Variants in CASK observed in about 807,000 individuals in gnomAD.
CASK encodes the protein calcium/calmodulin dependent serine protein kinase.
A neutral mutation model predicts 82.9 loss-of-function variants in CASK; 4 were observed. The ratio of observed to expected loss-of-function variants is 0.05; its 90% CI spans 0.02 to 0.11. The LOEUF is 0.11. CASK is among the 10% of genes least tolerant of loss of function. The probability of loss-of-function intolerance (pLI) is 1.00; values close to 1 mark genes in which losing one functional copy is unlikely to be tolerated. For synonymous variants in CASK, 259 were observed against 253.5 expected (o/e 1.02, Z -0.20); for missense variants, 358 against 720.9 (o/e 0.50, Z 5.76).
rs1379429897 is a variant in CASK at position 41,749,368 on chromosome X, C to A, written c.279-3767G>T. On this transcript the variant is annotated intron_variant, in intron 3 of 26. Coordinates refer to ENST00000378163, the MANE Select transcript of CASK (RefSeq NM_001367721.1). ...TTTGGCAAAAAAAAATCTCATTATT[C>A]TTCACCAATTTTTTTTTTTTTTTTT... 2.1e-3 allele frequency among the ~76,000 whole-genome samples: 194 copies of A among 93,214 alleles called. 2 individuals carry two copies. Among genetic ancestry groups the A allele is most frequent in the Middle Eastern group, 5.6e-3 (1 of 178 alleles). The allele number at this position is 93,214 out of a possible 115,157, so 80.9% of individuals were successfully genotyped here. A position where few individuals can be genotyped will look rare whatever the true frequency, so the allele number is the denominator to read the frequency against.
At chrX:41,722,056 A>G (rs769248077) in intron 5 of CASK, among the ~76,000 whole-genome samples, 18 of 112,483 alleles carry the variant, frequency 1.6e-4, no homozygotes, top group African/African-American at 5.5e-4. Flanking sequence ...TAGAAACTCC[A>G]ATAAGTATTT....
At chrX:41,714,296 T>C (rs2068027415) in intron 5 of CASK, among the ~76,000 whole-genome samples, 1 of 111,712 alleles carries the variant, frequency 9.0e-6, no homozygotes, top group Admixed American at 9.5e-5. Flanking sequence ...TACCTAGTAC[T>C]GTAAACTCAA....
At chrX:41,842,814 T>C (rs1193118664) in intron 2 of CASK, among the ~76,000 whole-genome samples, 2 of 111,744 alleles carry the variant, frequency 1.8e-5, no homozygotes, top group Non-Finnish European at 3.8e-5. Flanking sequence ...ACGAGAGATC[T>C]TACCATTTAC....
chrX:41,649,607 G>C (rs1240560238), intron 8 of CASK, among the ~76,000 whole-genome samples: 1 of 111,884 alleles, frequency 8.9e-6, no homozygotes, highest in Non-Finnish European at 1.9e-5. Flanking sequence ...TGATTGCACT[G>C]GTCTGAGAGA....
At chrX:41,743,710 T>C in intron 4 of CASK, 1 of 297,739 alleles carries the variant, frequency 3.4e-6, no homozygotes. Flanking sequence ...GTCTCCAAGT[T>C]GTTTCCAGCT....
intron 1 of CASK, among the ~76,000 whole-genome samples, chrX:41,909,167 C>T (rs2072519101): frequency 8.9e-6 from 1 of 111,839 alleles, no homozygotes; most frequent in Non-Finnish European, 1.9e-5. Context: ...GCCTAAGAAT[C>T]TGCATTTCTA....
At chrX:41,557,531 G>A (rs1401947077) in intron 18 of CASK, among the ~76,000 whole-genome samples, 1 of 111,367 alleles carries the variant, frequency 9.0e-6, no homozygotes, top group South Asian at 3.7e-4. Flanking sequence ...GTTACTAACT[G>A]ACCCAATCTG....
At chrX:41,588,953 C>G (rs747773359) in intron 13 of CASK, among the ~76,000 whole-genome samples, 2 of 111,491 alleles carry the variant, frequency 1.8e-5, no homozygotes, top group Admixed American at 9.5e-5. Flanking sequence ...TGGAGAGTGA[C>G]TAGAAAACGA....
intron 5 of CASK, among the ~76,000 whole-genome samples, chrX:41,692,163 A>G (rs145811910): frequency 2.7e-5 from 3 of 112,464 alleles, no homozygotes; most frequent in African/African-American, 9.7e-5. Context: ...AGTGTCTGGT[A>G]CACAGAAAGT....
intron 5 of CASK, among the ~76,000 whole-genome samples, chrX:41,700,714 G>A (rs1312723379): frequency 9.4e-6 from 1 of 106,188 alleles, no homozygotes; most frequent in African/African-American, 3.4e-5. Context: ...GGAGTAGCTG[G>A]GATTACAGGT....
intron 5 of CASK, among the ~76,000 whole-genome samples, chrX:41,735,235 G>C (rs1000940857): frequency 9.0e-6 from 1 of 110,843 alleles, no homozygotes; most frequent in Non-Finnish European, 1.9e-5. Context: ...TTAAATATAA[G>C]GAAAGAAAAC....
intron 11 of CASK, among the ~76,000 whole-genome samples, chrX:41,612,982 C>A (rs2066119340): frequency 1.9e-5 from 2 of 105,588 alleles, no homozygotes; most frequent in African/African-American, 6.9e-5. Context: ...CTCTGCCTGG[C>A]CAGCCGCCCC....
At chrX:41,786,704 G>A (rs1369996728) in intron 3 of CASK, 1 of 142,911 alleles carries the variant, frequency 7.0e-6, no homozygotes, top group Non-Finnish European at 1.4e-5. Flanking sequence ...GTCTGCGACA[G>A]ACATATCAAG....
chrX:41,700,129 C>T (rs769187167), intron 5 of CASK, among the ~76,000 whole-genome samples: 1 of 111,785 alleles, frequency 8.9e-6, no homozygotes, highest in Non-Finnish European at 1.9e-5. Context: ...TTGAATATTG[C>T]TGTTAGTTTT....
intron 5 of CASK, among the ~76,000 whole-genome samples, chrX:41,705,048 A>C (rs779616031): frequency 8.9e-6 from 1 of 112,487 alleles, no homozygotes; most frequent in Non-Finnish European, 1.9e-5. Context: ...CATCAGAACT[A>C]GGAAGATACA....
At chrX:41,785,583 A>C (rs1310243168) in intron 3 of CASK, among the ~76,000 whole-genome samples, 1 of 112,499 alleles carries the variant, frequency 8.9e-6, no homozygotes, top group Non-Finnish European at 1.9e-5. Flanking sequence ...TCACAACTAA[A>C]TTCACACTGA....
intron 1 of CASK, among the ~76,000 whole-genome samples, chrX:41,866,815 A>G (rs2071598592): frequency 9.0e-6 from 1 of 111,678 alleles, no homozygotes; most frequent in Non-Finnish European, 1.9e-5. Context: ...GTAGTCTTCC[A>G]TGATTCCTCA....
intron 4 of CASK, among the ~76,000 whole-genome samples, chrX:41,743,200 A>C (rs1033097434): frequency 1.8e-5 from 2 of 111,628 alleles, no homozygotes; most frequent in Non-Finnish European, 3.8e-5. Context: ...TACTGGTTTC[A>C]CATCAATCCT....
chrX:41,866,325 G>C (rs2071591320), intron 1 of CASK, among the ~76,000 whole-genome samples: 1 of 112,440 alleles, frequency 8.9e-6, no homozygotes, highest in African/African-American at 3.2e-5. Context: ...CTTCTAGCCA[G>C]AGAAAGCAGG....
Sources: gnomAD v4.1 joint callset for allele counts (sites outside exome capture counted in the v4.1 genomes callset) on GRCh38, gnomAD v4.1.1 for gene constraint, MANE v1.5 for transcripts, NCBI Gene and HGNC (gene_info 2026-07-23, HGNC 2026-07-21) for gene names.